Variants in LRP1B observed in about 807,000 individuals in gnomAD.
LRP1B encodes the protein low-density lipoprotein receptor-related protein 1B.
LRP1B carries 217 observed loss-of-function variants against 556.6 expected under a neutral mutation model. The observed-to-expected ratio is 0.39, with a 90% CI of 0.35 to 0.44. The LOEUF is 0.44. LRP1B is among the 20% of genes least tolerant of loss of function. The probability of loss-of-function intolerance (pLI) is 1.00; values close to 1 mark genes in which losing one functional copy is unlikely to be tolerated. For missense variants in LRP1B, 5,053 were observed against 5,620.8 expected (o/e 0.90, Z 3.23); for synonymous variants, 2,047 against 1,865.8 (o/e 1.10, Z -2.50).
At chr2:140,321,858 T>A (rs2105052553) in intron 82 of LRP1B, 105 bp downstream of exon 82, 1 of 1,112,996 alleles carries the variant, frequency 9.0e-7, no homozygotes, top group Non-Finnish European at 1.3e-6. Flanking sequence ...GCTATCAAGG[T>A]AGCTAAACTG....
chr2:141,190,417 C>T (rs1417290392), intron 6 of LRP1B, among the ~76,000 whole-genome samples: 2 of 151,914 alleles, frequency 1.3e-5, no homozygotes, highest in South Asian at 4.1e-4. Flanking sequence ...AAGAGCTTAT[C>T]TGTCTTGACT....
chr2:141,568,186 T>C (rs1203655481), intron 2 of LRP1B, among the ~76,000 whole-genome samples: 1 of 151,152 alleles, frequency 6.6e-6, no homozygotes, highest in Non-Finnish European at 1.5e-5. Context: ...GGGATAAAGT[T>C]AGAGCATTAA....
intron 2 of LRP1B, among the ~76,000 whole-genome samples, chr2:141,515,032 G>T (rs1279948229): frequency 6.6e-6 from 1 of 152,174 alleles, no homozygotes; most frequent in Non-Finnish European, 1.5e-5. Context: ...GCTGGGCATG[G>T]TGGCTCACGC....
chr2:142,053,335 T>C (rs1190967655), intron 1 of LRP1B, among the ~76,000 whole-genome samples: 1 of 152,120 alleles, frequency 6.6e-6, no homozygotes, highest in Non-Finnish European at 1.5e-5. Flanking sequence ...CATAGCTATT[T>C]CTTGTAGACA....
rs1690567634 is a variant in LRP1B, at chr2:140,802,973, TACA to T, written c.5359+10681_5359+10683del. ...TCCCTGACTCTTACATTCACGTGCT[TACA>T]AACACTGCTGTCTCTCCTCTAGGTC... On this transcript the variant is annotated intron_variant, in intron 32 of 90. Coordinates refer to ENST00000389484, the MANE Select transcript of LRP1B (RefSeq NM_018557.3). 2.0e-5 allele frequency among the ~76,000 whole-genome samples: 3 copies of T among 152,178 alleles called. No individual in the cohort carries two copies. In the South Asian group the frequency reaches 6.2e-4, roughly 31 times the overall value.
At chr2:141,063,763 C>T (rs565298013) in intron 7 of LRP1B, among the ~76,000 whole-genome samples, 1 of 152,058 alleles carries the variant, frequency 6.6e-6, no homozygotes, top group East Asian at 1.9e-4. Flanking sequence ...ACAGTCTTCA[C>T]TATTCTTGCT....
At chr2:141,279,963 CTG>C (rs1685449771) in intron 3 of LRP1B, among the ~76,000 whole-genome samples, 1 of 152,062 alleles carries the variant, frequency 6.6e-6, no homozygotes, top group Non-Finnish European at 1.5e-5. Flanking sequence ...AACTTATAGA[CTG>C]TGGGTCCCTT....
intron 2 of LRP1B, among the ~76,000 whole-genome samples, chr2:141,799,753 C>A (rs186575753): frequency 4.0e-5 from 6 of 151,764 alleles, no homozygotes; most frequent in Non-Finnish European, 7.4e-5. Flanking sequence ...AAAACTGATT[C>A]AAAAATCCAG....
intron 1 of LRP1B, among the ~76,000 whole-genome samples, chr2:141,880,708 G>GA (rs1373311179): frequency 1.3e-5 from 2 of 151,966 alleles, no homozygotes; most frequent in South Asian, 2.1e-4. Flanking sequence ...TGGAAATTTG[G>GA]AAAAAAGTAT....
chr2:141,049,546 A>G lies in LRP1B; in HGVS notation c.1553-324T>C, dbSNP rs139265640. On this transcript the variant is annotated intron_variant, in intron 10 of 90. Transcript: ENST00000389484. ...ATTTATTAAAACATCGGGCACATTT[A>G]ATTTTATAATGTATTATAATCTATC... is the stretch of plus-strand genomic sequence containing the variant. Among the ~76,000 whole-genome samples, 46 of 152,208 alleles carry G rather than the reference A, an allele frequency of 3.0e-4. 1 individual carries two copies. The East Asian group carries it at 8.0e-3, about 26-fold the overall frequency.
At chr2:140,736,130 G>A (rs1327023508) in intron 35 of LRP1B, among the ~76,000 whole-genome samples, 1 of 152,048 alleles carries the variant, frequency 6.6e-6, no homozygotes, top group Non-Finnish European at 1.5e-5. Context: ...GTAGAAGAAG[G>A]AATAAAGAGG....
chr2:141,211,485 T>C (rs2105253057), intron 6 of LRP1B, among the ~76,000 whole-genome samples: 1 of 151,804 alleles, frequency 6.6e-6, no homozygotes, highest in African/African-American at 2.4e-5. Context: ...CCGGCCCTGG[T>C]GGTGCGTGCC....
intron 86 of LRP1B, among the ~76,000 whole-genome samples, chr2:140,259,320 GAAAT>G (rs1681829603): frequency 6.6e-6 from 1 of 152,036 alleles, no homozygotes; most frequent in Non-Finnish European, 1.5e-5. Context: ...AAGAGAAAAT[GAAAT>G]AAATCAAGTT....
intron 6 of LRP1B, among the ~76,000 whole-genome samples, chr2:141,193,879 A>G (rs2105207956): frequency 6.6e-6 from 1 of 152,160 alleles, no homozygotes; most frequent in African/African-American, 2.4e-5. Flanking sequence ...CTCCTGGGGA[A>G]TATACCTTTG....
chr2:141,063,992 G>A (rs770357933), intron 7 of LRP1B, among the ~76,000 whole-genome samples: 12 of 151,786 alleles, frequency 7.9e-5, no homozygotes, highest in Middle Eastern at 3.2e-3. Flanking sequence ...AGAGAGGTGA[G>A]TCTGAAGATG....
At chr2:141,041,122 C>A (rs1482009747) in intron 11 of LRP1B, among the ~76,000 whole-genome samples, 1 of 152,002 alleles carries the variant, frequency 6.6e-6, no homozygotes, top group African/African-American at 2.4e-5. Flanking sequence ...AGATCCAAGT[C>A]AACTTCTCTT....
chr2:141,498,541 T>G lies in LRP1B; in HGVS notation c.206-18008A>C, dbSNP rs1683600569. 3.9e-5 allele frequency among the ~76,000 whole-genome samples: 6 copies of G among 152,078 alleles called. No homozygotes were observed. In the South Asian group the frequency reaches 1.2e-3, roughly 32 times the overall value. ...ATAACTTTTCGCAATGGTACCCTTT[T>G]ATAATGTTCACGATCTATTATGGCA... On this transcript the variant is annotated intron_variant, in intron 2 of 90. Transcript: ENST00000389484.
At chr2:140,709,726 C>T (rs920075064) in intron 37 of LRP1B, among the ~76,000 whole-genome samples, 1 of 151,828 alleles carries the variant, frequency 6.6e-6, no homozygotes, top group African/African-American at 2.4e-5. Context: ...ATACCATCTG[C>T]CATGTTTTAA....
At chr2:141,313,193 A>T (rs1033314) in intron 3 of LRP1B, among the ~76,000 whole-genome samples, 3 of 152,096 alleles carry the variant, frequency 2.0e-5, no homozygotes, top group African/African-American at 7.2e-5. Context: ...TAACCAAGAT[A>T]GAAGCACTTC....
Sources: gnomAD v4.1 joint callset for allele counts (sites outside exome capture counted in the v4.1 genomes callset) on GRCh38, gnomAD v4.1.1 for gene constraint, MANE v1.5 for transcripts, NCBI Gene and HGNC (gene_info 2026-07-23, HGNC 2026-07-21) for gene names.